The following NXPH1 variants were observed in gnomAD, a reference collection of about 807,000 sequenced individuals.
The protein encoded by NXPH1 is neurexophilin 1.
A neutral mutation model predicts 23.7 loss-of-function variants in NXPH1; 5 were observed. The observed-to-expected ratio is 0.21, with a 90% confidence interval of 0.11 to 0.44. The LOEUF (loss-of-function observed/expected upper bound fraction) is 0.44. Among genes scored for constraint, NXPH1 ranks in the 20% least tolerant of loss-of-function variants. The pLI, the probability that NXPH1 is intolerant of heterozygous loss-of-function variation, is 0.99. For missense variants in NXPH1, 324 were observed against 321.6 expected, an observed-to-expected ratio of 1.01 and a Z score of -0.06; for synonymous variants, 144 against 122.2, an observed-to-expected ratio of 1.18 and a Z score of -1.18.
intron 2 of NXPH1, among the ~76,000 whole-genome samples, chr7:8,480,160 T>C (rs1277418710): frequency 6.6e-6 from 1 of 152,166 alleles, no homozygotes; most frequent in Admixed American, 6.6e-5. Context: ...TATATTTTGA[T>C]ATAGGTGGTG....
At chr7:8,718,370 C>T (rs925804589) in intron 2 of NXPH1, among the ~76,000 whole-genome samples, 1 of 152,124 alleles carries the variant, frequency 6.6e-6, no homozygotes, top group African/African-American at 2.4e-5. Flanking sequence ...TCTTGACAAA[C>T]GTTATTTACC....
rs190904673 is a variant in NXPH1, at chr7:8,627,413, A to G, written c.55-123595A>G. Among the ~76,000 whole-genome samples, 207 of 152,326 alleles carry G rather than the reference A, an allele frequency of 1.4e-3. 2 individuals carry two copies. The highest frequency in any genetic ancestry group is 6.8e-3 in the Middle Eastern group (2 of 294). On this transcript the variant is annotated intron_variant, in intron 2 of 2. Transcript: ENST00000405863. The stretch of plus-strand genomic sequence containing the variant: ...GCCTCTTAAATATGCAATGTTCTTC[A>G]GTTAATATCTCATATAAAACAAAGA...
chr7:8,741,839 C>A (rs1031502787), intron 2 of NXPH1, among the ~76,000 whole-genome samples: 9 of 151,994 alleles, frequency 5.9e-5, no homozygotes, highest in Admixed American at 2.6e-4. Flanking sequence ...GAATATGAAC[C>A]ATACAGGTAA....
At chr7:8,583,362 G>C (rs896267357) in intron 2 of NXPH1, among the ~76,000 whole-genome samples, 3 of 152,198 alleles carry the variant, frequency 2.0e-5, no homozygotes, top group Admixed American at 6.5e-5. Flanking sequence ...GTGACCTTAG[G>C]CAAGTTACAT....
At chr7:8,718,520 A>G (rs1294529928) in intron 2 of NXPH1, among the ~76,000 whole-genome samples, 2 of 152,212 alleles carry the variant, frequency 1.3e-5, no homozygotes, top group East Asian at 1.9e-4. Flanking sequence ...AGTAGTTGCA[A>G]ATTTTCTGGA....
intron 2 of NXPH1, among the ~76,000 whole-genome samples, chr7:8,567,915 C>T (rs556876028): frequency 6.6e-6 from 1 of 151,804 alleles, no homozygotes; most frequent in South Asian, 2.1e-4. Context: ...CTAGGAGTGG[C>T]CTTACATCGT....
intron 2 of NXPH1, among the ~76,000 whole-genome samples, chr7:8,466,692 T>G (rs1816791489): frequency 6.6e-6 from 1 of 152,162 alleles, no homozygotes; most frequent in Admixed American, 6.5e-5. Flanking sequence ...TATTACCTAT[T>G]TTTAAAAAAG....
In NXPH1 at chr7:8,675,322, T is replaced by A. The variant is rs560412901; in HGVS notation, c.55-75686T>A. Among the ~76,000 whole-genome samples the A allele has an allele frequency of 1.6e-4, 24 of 152,118 alleles. No individual in the cohort carries two copies. In the East Asian group the frequency reaches 3.7e-3, roughly 23 times the overall value. On this transcript the variant is annotated intron_variant, in intron 2 of 2. Coordinates refer to ENST00000405863, the MANE Select transcript of NXPH1 (RefSeq NM_152745.3). ...ATTTTTATTTTATTTTATTTAAAAA[T>A]TTTTTAATTTCAATATTCTAATTTT...
chr7:8,447,974 C>T (rs969092165), intron 2 of NXPH1, among the ~76,000 whole-genome samples: 1 of 152,178 alleles, frequency 6.6e-6, no homozygotes, highest in African/African-American at 2.4e-5. Flanking sequence ...TTGGCTCCAA[C>T]GAGGACCTGG....
At chr7:8,730,729 T>A (rs952520077) in intron 2 of NXPH1, among the ~76,000 whole-genome samples, 1 of 152,042 alleles carries the variant, frequency 6.6e-6, no homozygotes, top group Non-Finnish European at 1.5e-5. Flanking sequence ...CTGATGGGCT[T>A]CCCTTTGAGG....
chr7:8,501,828 A>G (rs1817440651), intron 2 of NXPH1, among the ~76,000 whole-genome samples: 1 of 152,106 alleles, frequency 6.6e-6, no homozygotes, highest in Admixed American at 6.6e-5. Context: ...GAACAGACTA[A>G]CAGTCTTACC....
At chr7:8,699,023 A>G (rs1779579278) in intron 2 of NXPH1, among the ~76,000 whole-genome samples, 1 of 152,152 alleles carries the variant, frequency 6.6e-6, no homozygotes, top group African/African-American at 2.4e-5. Flanking sequence ...GCAATAAAAT[A>G]AATTTGTTGA....
Position 8,435,624 on chromosome 7 carries a change from C to A in NXPH1, c.-90C>A. The A allele has an allele frequency of 2.5e-6, 3 of 1,201,460 alleles. No individual in the cohort carries two copies. Among genetic ancestry groups the A allele is most frequent in the Non-Finnish European group, 3.7e-6 (3 of 803,666 alleles). The allele number at this position is 1,201,460 out of a possible 1,614,324, so 74.4% of individuals were successfully genotyped here. The stretch of plus-strand genomic sequence containing the variant: ...TCTAGGCTGCTGAGAGCGCTCCTTG[C>A]TCTGTAAAGTGGATGTCAGGTGGAT... On this transcript the variant is annotated 5_prime_UTR_variant, in exon 2 of 3. Coordinates refer to ENST00000405863, the MANE Select transcript of NXPH1 (RefSeq NM_152745.3). The surrounding 1 kb of genome is among the most constrained non-coding windows in gnomAD (Gnocchi z 5.9).
chr7:8,539,216 C>G (rs1213594147), intron 2 of NXPH1, among the ~76,000 whole-genome samples: 1 of 151,666 alleles, frequency 6.6e-6, no homozygotes, highest in Non-Finnish European at 1.5e-5. Flanking sequence ...AAATTCTCAT[C>G]TAAATTGACA....
chr7:8,444,359 C>G (rs1816360558), intron 2 of NXPH1, among the ~76,000 whole-genome samples: 1 of 152,204 alleles, frequency 6.6e-6, no homozygotes, highest in African/African-American at 2.4e-5. Context: ...GAGGTATTCT[C>G]TGAGGCCCTG....
At chr7:8,661,743 T>A (rs1820677818) in intron 2 of NXPH1, among the ~76,000 whole-genome samples, 1 of 152,126 alleles carries the variant, frequency 6.6e-6, no homozygotes, top group Non-Finnish European at 1.5e-5. Flanking sequence ...AGATCAAAAT[T>A]TTTCAAGTAT....
At chr7:8,457,394 T>A (rs1816615171) in intron 2 of NXPH1, among the ~76,000 whole-genome samples, 1 of 152,136 alleles carries the variant, frequency 6.6e-6, no homozygotes, top group Admixed American at 6.5e-5. Flanking sequence ...GAGAAGGCAT[T>A]GTCAAGCTAT....
intron 2 of NXPH1, among the ~76,000 whole-genome samples, chr7:8,706,868 C>G (rs1419985173): frequency 6.6e-6 from 1 of 152,104 alleles, no homozygotes; most frequent in African/African-American, 2.4e-5. Context: ...GATTTGTTTT[C>G]ATTGTCTAAA....
At chr7:8,750,905 T>G (rs1279041208) in intron 2 of NXPH1, 103 bp from the exon 3 acceptor site, 1 of 1,160,436 alleles carries the variant, frequency 8.6e-7, no homozygotes, top group Non-Finnish European at 1.2e-6. Flanking sequence ...TAAAAAAAAG[T>G]GTAATTATTT....
Sources: gnomAD v4.1 joint callset for allele counts (sites outside exome capture counted in the v4.1 genomes callset) on GRCh38, gnomAD v4.1.1 for gene constraint, Gnocchi (gnomAD v3.1) non-coding constraint, MANE v1.5 for transcripts, NCBI Gene and HGNC (gene_info 2026-07-23, HGNC 2026-07-21) for gene names.